Variants in GALNTL6 observed in about 807,000 individuals in gnomAD.
The protein encoded by GALNTL6 is polypeptide N-acetylgalactosaminyltransferase-like 6.
GALNTL6 carries 46 observed loss-of-function variants against 73.7 expected under a neutral mutation model. That is an observed-to-expected ratio of 0.62 (90% CI 0.49 to 0.80). GALNTL6 has a LOEUF of 0.80. Ranked by LOEUF, GALNTL6 falls within the 30% of genes least tolerant of loss-of-function variation. GALNTL6 has a pLI of 0.00. For synonymous variants in GALNTL6, 259 were observed against 263.7 expected (o/e 0.98, Z 0.17); for missense variants, 604 against 755.0 (o/e 0.80, Z 2.34).
chr4:172,951,077 A>C (rs1229304225), intron 9 of GALNTL6, among the ~76,000 whole-genome samples: 1 of 152,186 alleles, frequency 6.6e-6, no homozygotes, highest in Non-Finnish European at 1.5e-5. Flanking sequence ...GAGTTCCATT[A>C]ATGTGTGGCC....
chr4:172,425,410 A>G (rs1414882554), intron 5 of GALNTL6: 1 of 152,162 alleles, frequency 6.6e-6, no homozygotes, highest in Non-Finnish European at 1.5e-5. Flanking sequence ...CTTGGGTACG[A>G]CATTAATGAT....
intron 2 of GALNTL6, among the ~76,000 whole-genome samples, chr4:172,043,142 G>C (rs1360138147): frequency 6.6e-6 from 1 of 151,950 alleles, no homozygotes; most frequent in African/African-American, 2.4e-5. Flanking sequence ...CTCTCACTGA[G>C]TTAACTAGCA....
chr4:173,009,621 A>G (rs1315654315), intron 11 of GALNTL6, among the ~76,000 whole-genome samples: 1 of 152,226 alleles, frequency 6.6e-6, no homozygotes, highest in Non-Finnish European at 1.5e-5. Context: ...AAGCCTGTAG[A>G]GTGCTTTGGA....
intron 2 of GALNTL6, among the ~76,000 whole-genome samples, chr4:171,952,026 A>T (rs1050465978): frequency 2.6e-5 from 4 of 152,040 alleles, no homozygotes; most frequent in Admixed American, 6.6e-5. Context: ...AATAGAATAC[A>T]AAGTGTAATA....
At chr4:172,328,471 C>T (rs185460241) in intron 4 of GALNTL6, among the ~76,000 whole-genome samples, 1 of 152,270 alleles carries the variant, frequency 6.6e-6, no homozygotes, top group Admixed American at 6.5e-5. Context: ...TGAACAACAT[C>T]CTGAAATATG....
chr4:172,336,426 C>T (rs182890489), intron 4 of GALNTL6, among the ~76,000 whole-genome samples: 1 of 150,660 alleles, frequency 6.6e-6, no homozygotes. Flanking sequence ...CACATGCCAC[C>T]ATGCCCAGCT....
chr4:171,966,730 A>G (rs1366158650), intron 2 of GALNTL6, among the ~76,000 whole-genome samples: 1 of 152,200 alleles, frequency 6.6e-6, no homozygotes, highest in African/African-American at 2.4e-5. Context: ...TAAAACAAAC[A>G]GAGCTGAACC....
At chr4:172,265,075 A>T (rs1738406229) in intron 3 of GALNTL6, among the ~76,000 whole-genome samples, 1 of 151,980 alleles carries the variant, frequency 6.6e-6, no homozygotes, top group South Asian at 2.1e-4. Flanking sequence ...AGGGGTTTTC[A>T]AAAAATAAAT....
At chr4:172,051,065 A>G (rs901379200) in intron 2 of GALNTL6, among the ~76,000 whole-genome samples, 1 of 152,154 alleles carries the variant, frequency 6.6e-6, no homozygotes. Context: ...ACTGTCATCA[A>G]CCTTGGCAAA....
intron 5 of GALNTL6, among the ~76,000 whole-genome samples, chr4:172,512,747 T>C (rs890214904): frequency 1.3e-5 from 2 of 152,172 alleles, no homozygotes; most frequent in African/African-American, 4.8e-5. Flanking sequence ...AATTGTTTTG[T>C]TTAAGGAGGC....
intron 2 of GALNTL6, among the ~76,000 whole-genome samples, chr4:172,189,134 A>T (rs1735498451): frequency 6.6e-6 from 1 of 152,150 alleles, no homozygotes; most frequent in Non-Finnish European, 1.5e-5. Context: ...AAATGTATAC[A>T]CTTCACCATA....
chr4:172,650,614 T>A (rs989743533), intron 5 of GALNTL6, among the ~76,000 whole-genome samples: 2 of 152,124 alleles, frequency 1.3e-5, no homozygotes, highest in Non-Finnish European at 2.9e-5. Flanking sequence ...CCTGGCCCAA[T>A]ACTGCCAGAG....
chr4:172,311,714 T>C lies in GALNTL6; in HGVS notation c.348T>C (p.Ile116=). The change falls in exon 4 of 13, where the codon ATT becomes ATC. Residue 116 remains isoleucine, a synonymous_variant. Transcript: ENST00000506823. ...NGFNIFVSNN[I]ALERSLPDIR... ...TTAATATTTTCGTCAGCAACAATAT[T>C]GCTCTAGAGAGGTCTCTGCCAGATA... 6.2e-7 allele frequency: 1 copy of C among 1,607,060 alleles called. No individual in the cohort carries two copies. Among genetic ancestry groups the C allele is most frequent in the Non-Finnish European group, 8.5e-7 (1 of 1,175,476 alleles).
At chr4:172,045,171 T>C (rs1742183755) in intron 2 of GALNTL6, among the ~76,000 whole-genome samples, 1 of 152,046 alleles carries the variant, frequency 6.6e-6, no homozygotes, top group Non-Finnish European at 1.5e-5. Flanking sequence ...CTTGAAACAA[T>C]GTTTAATCTG....
At chr4:172,526,798 C>G (rs957378499) in intron 5 of GALNTL6, among the ~76,000 whole-genome samples, 1 of 152,142 alleles carries the variant, frequency 6.6e-6, no homozygotes, top group Non-Finnish European at 1.5e-5. Context: ...TTTCTTCTTT[C>G]TAATCCCTAT....
intron 2 of GALNTL6, among the ~76,000 whole-genome samples, chr4:172,042,533 G>T (rs1369475552): frequency 6.6e-6 from 1 of 151,784 alleles, no homozygotes; most frequent in Non-Finnish European, 1.5e-5. Flanking sequence ...TCCCTCACAA[G>T]CTGCTCCCTT....
intron 4 of GALNTL6, among the ~76,000 whole-genome samples, chr4:172,324,811 C>G (rs926771871): frequency 1.3e-5 from 2 of 150,562 alleles, no homozygotes; most frequent in Non-Finnish European, 3.0e-5. Flanking sequence ...AATTAAATAG[C>G]ATTTATAAAG....
At chr4:171,907,655 A>G (rs1737334462) in intron 2 of GALNTL6, among the ~76,000 whole-genome samples, 2 of 151,742 alleles carry the variant, frequency 1.3e-5, no homozygotes, top group South Asian at 2.1e-4. Flanking sequence ...TTTAAAGTTC[A>G]TATGGAACCA....
At chr4:172,313,144 T>C (rs1331396289) in intron 4 of GALNTL6, among the ~76,000 whole-genome samples, 2 of 142,410 alleles carry the variant, frequency 1.4e-5, no homozygotes, top group African/African-American at 5.2e-5. Context: ...CTTTTTTTTT[T>C]AGGTGGAGTC....
Sources: allele counts gnomAD v4.1 joint callset (sites outside exome capture counted in the v4.1 genomes callset), GRCh38; gene constraint gnomAD v4.1.1; transcripts MANE v1.5; gene names NCBI Gene and HGNC (gene_info 2026-07-23, HGNC 2026-07-21).